Variants in MLLT10 observed in about 807,000 individuals in gnomAD.
MLLT10 encodes the protein MLLT10 histone lysine methyltransferase DOT1L cofactor.
Under a neutral mutation model 129.1 loss-of-function variants are expected in MLLT10, and 30 were observed. The observed-to-expected ratio is 0.23, with a 90% CI of 0.17 to 0.32. The LOEUF (loss-of-function observed/expected upper bound fraction) is 0.32, where lower values mean the gene tolerates loss of function less well. Ranked by LOEUF, MLLT10 falls within the 10% of genes least tolerant of loss-of-function variation. MLLT10 has a pLI of 1.00. For missense variants in MLLT10, 1,119 were observed against 1,268.3 expected (o/e 0.88, Z 1.79); for synonymous variants, 490 against 446.4 (o/e 1.10, Z -1.23).
intron 17 of MLLT10, among the ~76,000 whole-genome samples, chr10:21,732,072 G>A (rs2058014234): frequency 6.6e-6 from 1 of 152,144 alleles, no homozygotes; most frequent in South Asian, 2.1e-4. Flanking sequence ...GTGGGATCTT[G>A]GAGGGGAGGG....
At chr10:21,624,359 T>G (rs1394773706) in intron 8 of MLLT10, among the ~76,000 whole-genome samples, 1 of 152,112 alleles carries the variant, frequency 6.6e-6, no homozygotes, top group Non-Finnish European at 1.5e-5. Context: ...GATAAAAACA[T>G]AACTCCCAGA....
chr10:21,682,319 A>T, intron 13 of MLLT10, 62 bp downstream of exon 13: 1 of 1,445,924 alleles, frequency 6.9e-7, no homozygotes, highest in Middle Eastern at 1.8e-4. Flanking sequence ...TTTTGTAGAG[A>T]ATCTCGATTG....
chr10:21,679,836 TGA>T (rs2052558168), intron 11 of MLLT10, among the ~76,000 whole-genome samples: 1 of 152,208 alleles, frequency 6.6e-6, no homozygotes, highest in African/African-American at 2.4e-5. Flanking sequence ...CCAATGAGCA[TGA>T]GAGTCATGGG....
At chr10:21,579,329 T>C (rs2041121227) in intron 3 of MLLT10, among the ~76,000 whole-genome samples, 1 of 152,188 alleles carries the variant, frequency 6.6e-6, no homozygotes, top group African/African-American at 2.4e-5. Flanking sequence ...ATTTGACTAT[T>C]TGAGGTTTGC....
chr10:21,732,846 T>A, intron 17 of MLLT10, 53 bp from the exon 18 acceptor site: 1 of 1,456,228 alleles, frequency 6.9e-7, no homozygotes, highest in South Asian at 1.3e-5. Context: ...CGTAAAATAC[T>A]TAGTCTTATG....
At chr10:21,578,628 T>A (rs934237074) in intron 3 of MLLT10, among the ~76,000 whole-genome samples, 3 of 152,208 alleles carry the variant, frequency 2.0e-5, no homozygotes, top group African/African-American at 7.2e-5. Context: ...TTGAATTAAT[T>A]TTTAAGTATA....
intron 21 of MLLT10, among the ~76,000 whole-genome samples, chr10:21,739,732 C>A (rs902289795): frequency 3.3e-5 from 5 of 152,182 alleles, no homozygotes; most frequent in African/African-American, 4.8e-5. Flanking sequence ...ACGCATGATG[C>A]ATTCAAATGT....
intron 8 of MLLT10, among the ~76,000 whole-genome samples, chr10:21,622,633 C>T (rs1004670807): frequency 6.6e-6 from 1 of 152,066 alleles, no homozygotes; most frequent in African/African-American, 2.4e-5. Flanking sequence ...ATTTGTTATG[C>T]CTGTTAATGT....
intron 13 of MLLT10, among the ~76,000 whole-genome samples, chr10:21,702,772 A>G (rs1258134360): frequency 2.0e-5 from 3 of 152,034 alleles, no homozygotes; most frequent in Non-Finnish European, 4.4e-5. Context: ...CCCTTTGCAT[A>G]AAATATCTTT....
At chr10:21,590,781 G>A (rs954296135) in intron 4 of MLLT10, among the ~76,000 whole-genome samples, 9 of 152,152 alleles carry the variant, frequency 5.9e-5, no homozygotes, top group South Asian at 4.2e-4. Flanking sequence ...AAATAGAATT[G>A]TTCAGTTTTA....
intron 21 of MLLT10, chr10:21,738,599 G>A (rs67009934): frequency 0.019 from 23,283 of 1,206,968 alleles, 338 homozygotes; most frequent in African/African-American, 0.066. Flanking sequence ...GCTTCCGCTC[G>A]ACACTCTTGC....
chr10:21,649,596 G>A (rs1425391351), intron 8 of MLLT10, among the ~76,000 whole-genome samples: 1 of 152,156 alleles, frequency 6.6e-6, no homozygotes, highest in African/African-American at 2.4e-5. Context: ...GTTCAGTGTT[G>A]GTCTTATTCA....
At chr10:21,539,567 A>T (rs924319805) in intron 3 of MLLT10, among the ~76,000 whole-genome samples, 12 of 151,708 alleles carry the variant, frequency 7.9e-5, no homozygotes, top group African/African-American at 2.9e-4. Flanking sequence ...AGGTCAAAAG[A>T]TGGAGACCAC....
At chr10:21,639,837 T>C (rs142235993) in intron 8 of MLLT10, among the ~76,000 whole-genome samples, 3 of 152,258 alleles carry the variant, frequency 2.0e-5, no homozygotes, top group East Asian at 1.9e-4. Context: ...AATTTCTTTA[T>C]GTCCAGCTCC....
chr10:21,702,142 A>G (rs1162679488), intron 13 of MLLT10, among the ~76,000 whole-genome samples: 1 of 145,342 alleles, frequency 6.9e-6, no homozygotes. Flanking sequence ...GGCCAGGATG[A>G]TCTCAATCTC....
chr10:21,546,016 A>T (rs2036018841), intron 3 of MLLT10, among the ~76,000 whole-genome samples: 2 of 152,196 alleles, frequency 1.3e-5, no homozygotes, highest in Non-Finnish European at 2.9e-5. Context: ...GGCTGCAGTG[A>T]CTTATTAGAA....
At chr10:21,591,921 A>G (rs745521640) in intron 4 of MLLT10, among the ~76,000 whole-genome samples, 1 of 152,134 alleles carries the variant, frequency 6.6e-6, no homozygotes, top group South Asian at 2.1e-4. Flanking sequence ...TAGTTTCACT[A>G]TATTGGCCAG....
chr10:21,647,046 C>A lies in MLLT10; in HGVS notation c.700-4627C>A, dbSNP rs192202599. ...AATCTTTTGTATTTTTAGTAGAGAA[C>A]GGGGTTTCACCGTCTTAGCCAGGAT... On this transcript the variant is annotated intron_variant, in intron 8 of 22. Coordinates refer to ENST00000307729, the MANE Select transcript of MLLT10 (RefSeq NM_001195626.3). 2.2e-3 allele frequency among the ~76,000 whole-genome samples: 333 copies of A among 152,086 alleles called. 3 individuals are homozygous for A. Among genetic ancestry groups the A allele is most frequent in the African/African-American group, 7.6e-3 (316 of 41,492 alleles).
intron 13 of MLLT10, among the ~76,000 whole-genome samples, chr10:21,694,000 TA>T (rs1477828610): frequency 6.6e-6 from 1 of 152,148 alleles, no homozygotes; most frequent in Non-Finnish European, 1.5e-5. Flanking sequence ...TTTTTCTTTT[TA>T]AAAAAAGAGC....
Sources: allele counts gnomAD v4.1 joint callset (sites outside exome capture counted in the v4.1 genomes callset), GRCh38; gene constraint gnomAD v4.1.1; transcripts MANE v1.5; gene names NCBI Gene and HGNC (gene_info 2026-07-23, HGNC 2026-07-21).